Variants in PTPRD observed in about 807,000 individuals in gnomAD.
PTPRD encodes the protein receptor-type tyrosine-protein phosphatase delta.
PTPRD carries 34 observed loss-of-function variants against 214.5 expected under a neutral mutation model. The ratio of observed to expected loss-of-function variants is 0.16; its 90% confidence interval spans 0.12 to 0.21. The LOEUF is 0.21. Among genes scored for constraint, PTPRD ranks in the 10% least tolerant of loss-of-function variants. The pLI is 1.00. For missense variants in PTPRD, 2,545 were observed against 2,398.7 expected, an observed-to-expected ratio of 1.06 and a Z score of -1.27; for synonymous variants, 1,128 against 845.7, an observed-to-expected ratio of 1.33 and a Z score of -5.79.
intron 8 of PTPRD, among the ~76,000 whole-genome samples, chr9:9,457,861 G>C (rs568971838): frequency 1.3e-5 from 2 of 152,000 alleles, no homozygotes; most frequent in East Asian, 1.9e-4. Context: ...AAAGGGCATA[G>C]AGCAGTCCAC....
intron 36 of PTPRD, among the ~76,000 whole-genome samples, chr9:8,398,326 T>TCCGA (rs2091678416): frequency 6.6e-6 from 1 of 152,130 alleles, no homozygotes; most frequent in Admixed American, 6.6e-5. Context: ...CAGCAACTTG[T>TCCGA]CCGAGCAAGC....
chr9:8,837,452 T>C (rs2097454902), intron 11 of PTPRD, among the ~76,000 whole-genome samples: 5 of 152,174 alleles, frequency 3.3e-5, no homozygotes, highest in African/African-American at 9.7e-5. Context: ...AAAGTCAAAA[T>C]AGGCATTCTC....
At chr9:8,713,891 G>T in intron 12 of PTPRD, 1 of 961,924 alleles carries the variant, frequency 1.0e-6, no homozygotes, top group Non-Finnish European at 1.5e-6. Context: ...GGAACGCCCC[G>T]GTGGAAAAAA....
At chr9:9,756,550 A>T (rs1307209929) in intron 6 of PTPRD, among the ~76,000 whole-genome samples, 3 of 152,112 alleles carry the variant, frequency 2.0e-5, no homozygotes, top group Non-Finnish European at 2.9e-5. Flanking sequence ...CAACTTATTC[A>T]AGTGGAGCAG....
At chr9:10,351,593 A>G (rs1461566029) in intron 2 of PTPRD, among the ~76,000 whole-genome samples, 2 of 152,128 alleles carry the variant, frequency 1.3e-5, no homozygotes, top group East Asian at 1.9e-4. Flanking sequence ...CAGAGGATCA[A>G]AAGCTATAAT....
At chr9:9,301,495 TGG>T (rs34852746) in intron 9 of PTPRD, among the ~76,000 whole-genome samples, 26,641 of 151,722 alleles carry the variant, frequency 0.18, 2,562 homozygotes, top group East Asian at 0.33. Context: ...TTCGTTACCT[TGG>T]GAAATTTTGT....
intron 11 of PTPRD, among the ~76,000 whole-genome samples, chr9:8,761,148 G>C (rs1168313888): frequency 6.6e-6 from 1 of 152,106 alleles, no homozygotes; most frequent in Non-Finnish European, 1.5e-5. Flanking sequence ...AAATATAAAT[G>C]ATCTAAAAGA....
chr9:10,307,633 T>C (rs561547777), intron 3 of PTPRD, among the ~76,000 whole-genome samples: 2 of 152,158 alleles, frequency 1.3e-5, no homozygotes, highest in East Asian at 1.9e-4. Context: ...ATCCATACTG[T>C]TTTCCATAAT....
At chr9:8,973,962 C>T (rs910053112) in intron 11 of PTPRD, among the ~76,000 whole-genome samples, 38 of 151,942 alleles carry the variant, frequency 2.5e-4, no homozygotes, top group African/African-American at 8.9e-4. Context: ...AGACATTAGA[C>T]CTTTGTCAGA....
intron 10 of PTPRD, among the ~76,000 whole-genome samples, chr9:9,176,910 T>G (rs2099925226): frequency 6.6e-6 from 1 of 152,154 alleles, no homozygotes; most frequent in South Asian, 2.1e-4. Context: ...AAGACATTAA[T>G]GGAATTCAGT....
chr9:9,659,156 TCA>T (rs1458588001), intron 7 of PTPRD, among the ~76,000 whole-genome samples: 1 of 152,118 alleles, frequency 6.6e-6, no homozygotes, highest in Non-Finnish European at 1.5e-5. Flanking sequence ...AACTTGCAAT[TCA>T]TTAGTTACAA....
At chr9:9,543,037 T>C (rs1208558631) in intron 8 of PTPRD, among the ~76,000 whole-genome samples, 3 of 151,626 alleles carry the variant, frequency 2.0e-5, no homozygotes, top group Non-Finnish European at 4.4e-5. Flanking sequence ...AGAATAATCA[T>C]ACCAATTGAA....
chr9:9,410,876 G>C (rs193137030), intron 8 of PTPRD, among the ~76,000 whole-genome samples: 1 of 152,246 alleles, frequency 6.6e-6, no homozygotes, highest in African/African-American at 2.4e-5. Flanking sequence ...CTGCGACCAC[G>C]GTTGTGCTAC....
intron 3 of PTPRD, among the ~76,000 whole-genome samples, chr9:10,267,660 C>T (rs2094157873): frequency 6.6e-6 from 1 of 152,092 alleles, no homozygotes; most frequent in South Asian, 2.1e-4. Flanking sequence ...GCATGTCTTA[C>T]CAGGAGTCTT....
intron 5 of PTPRD, among the ~76,000 whole-genome samples, chr9:9,806,842 G>A (rs1464839186): frequency 6.6e-6 from 1 of 152,048 alleles, no homozygotes; most frequent in East Asian, 1.9e-4. Context: ...ACACTGAACA[G>A]GTAAGAGAAA....
chr9:10,375,872 G>C (rs2097718091), intron 2 of PTPRD, among the ~76,000 whole-genome samples: 1 of 151,948 alleles, frequency 6.6e-6, no homozygotes, highest in Non-Finnish European at 1.5e-5. Flanking sequence ...ATTGAGATTA[G>C]CTTATCGTGC....
At chr9:9,635,983 A>G (rs553011746) in intron 7 of PTPRD, among the ~76,000 whole-genome samples, 2 of 152,328 alleles carry the variant, frequency 1.3e-5, no homozygotes, top group Admixed American at 1.3e-4. Flanking sequence ...TAGGAAAAAG[A>G]TACAAAACTC....
At chr9:9,842,547 G>C (rs1289759353) in intron 5 of PTPRD, among the ~76,000 whole-genome samples, 1 of 151,816 alleles carries the variant, frequency 6.6e-6, no homozygotes, top group East Asian at 1.9e-4. Context: ...AAAAAAGAGA[G>C]ACTAGATGTC....
At chr9:9,468,396 T>A (rs1291315400) in intron 8 of PTPRD, among the ~76,000 whole-genome samples, 1 of 152,124 alleles carries the variant, frequency 6.6e-6, no homozygotes, top group East Asian at 1.9e-4. Context: ...TGTATAGATA[T>A]GTGCATTTAG....
Sources: allele counts gnomAD v4.1 joint callset (sites outside exome capture counted in the v4.1 genomes callset), GRCh38; gene constraint gnomAD v4.1.1; transcripts MANE v1.5; gene names NCBI Gene and HGNC (gene_info 2026-07-23, HGNC 2026-07-21).